Variants in ECT2L observed in about 807,000 individuals in gnomAD.
ECT2L encodes epithelial cell transforming 2 like.
ECT2L carries 126 observed loss-of-function variants against 122.8 expected under a neutral mutation model. That is an observed-to-expected ratio of 1.03 (90% CI 0.89 to 1.19). The LOEUF is 1.19. Ranked by LOEUF, ECT2L falls within the 50% of genes most tolerant of loss-of-function variation. ECT2L has a pLI of 0.00. For missense variants in ECT2L, 1,012 were observed against 1,064.1 expected, an observed-to-expected ratio of 0.95 and a Z score of 0.68; for synonymous variants, 385 against 381.8, an observed-to-expected ratio of 1.01 and a Z score of -0.10.
At chr6:138,838,319 A>G (rs1776915735) in intron 4 of ECT2L, 33 bp from the exon 5 acceptor site, 2 of 1,541,770 alleles carry the variant, frequency 1.3e-6, no homozygotes, top group Middle Eastern at 1.8e-4. Flanking sequence ...TTTAGACATT[A>G]GTGTTCTAAA....
At chr6:138,849,859 A>G (rs1777371864) in intron 9 of ECT2L, among the ~76,000 whole-genome samples, 1 of 151,982 alleles carries the variant, frequency 6.6e-6, no homozygotes, top group African/African-American at 2.4e-5. Flanking sequence ...CCAGCTGTGA[A>G]GCAATTTTTT....
chr6:138,826,353 A>G (rs1335561125), intron 4 of ECT2L, among the ~76,000 whole-genome samples: 1 of 152,156 alleles, frequency 6.6e-6, no homozygotes, highest in Non-Finnish European at 1.5e-5. Flanking sequence ...ACTAGAAATT[A>G]TTTTTTCTTT....
At chr6:138,849,126 C>A in intron 8 of ECT2L, 143 bp from the exon 9 acceptor site, 1 of 774,048 alleles carries the variant, frequency 1.3e-6, no homozygotes, top group Non-Finnish European at 1.9e-6. Flanking sequence ...TAATAGAAAC[C>A]AAGGAGGAAG....
intron 8 of ECT2L, among the ~76,000 whole-genome samples, chr6:138,848,930 C>T (rs993762716): frequency 2.3e-4 from 35 of 152,174 alleles, no homozygotes; most frequent in African/African-American, 7.5e-4. Context: ...GCTGGGATTA[C>T]AAGTGTAAGC....
At chr6:138,819,776 A>G (rs896840059) in intron 4 of ECT2L, among the ~76,000 whole-genome samples, 1 of 152,012 alleles carries the variant, frequency 6.6e-6, no homozygotes, top group Non-Finnish European at 1.5e-5. Context: ...AATCCCAGCT[A>G]TTCGGGAGGC....
rs930846044 is a variant in ECT2L at position 138,903,823 on chromosome 6, T to C, written c.*1196T>C. On this transcript the variant is annotated 3_prime_UTR_variant, in exon 22 of 22. Transcript: ENST00000541398. Reference sequence around the variant, plus strand: ...TTACCTAGATATTGTCAGGTAAAAATTGTATTAATCTTGGAAGCTTGAGGT... The same window carrying C: ...TTACCTAGATATTGTCAGGTAAAAACTGTATTAATCTTGGAAGCTTGAGGT... 4 of 152,174 alleles carry C rather than the reference T, an allele frequency of 2.6e-5. No individual in the cohort carries two copies. The highest frequency in any genetic ancestry group is 1.3e-4 in the Admixed American group (2 of 15,280). 9.4% of individuals were successfully genotyped at this position (152,174 alleles called of 1,614,324 possible).
chr6:138,847,844 GTA>G (rs1777291708), intron 8 of ECT2L, among the ~76,000 whole-genome samples: 1 of 152,120 alleles, frequency 6.6e-6, no homozygotes, highest in African/African-American at 2.4e-5. Flanking sequence ...GTGAGCGTGT[GTA>G]TTAGTCTGTT....
intron 14 of ECT2L, among the ~76,000 whole-genome samples, chr6:138,877,762 T>C (rs938861656): frequency 1.3e-5 from 2 of 152,042 alleles, no homozygotes; most frequent in East Asian, 1.9e-4. Flanking sequence ...AGAAAAACCC[T>C]GTCTCTACAA....
intron 10 of ECT2L, among the ~76,000 whole-genome samples, chr6:138,856,130 A>G (rs1444705194): frequency 7.0e-6 from 1 of 142,828 alleles, no homozygotes; most frequent in Admixed American, 7.0e-5. Flanking sequence ...GTGGCTGTAA[A>G]TCACTCCTAA....
chr6:138,869,477 C>CGAAG lies in ECT2L; in HGVS notation c.1578+1272_1578+1275dup, dbSNP rs542752776. Among the ~76,000 whole-genome samples the CGAAG allele has an allele frequency of 6.6e-4, 100 of 152,300 alleles. 1 individual carries two copies. Among genetic ancestry groups the CGAAG allele is most frequent in the Non-Finnish European group, 1.2e-3 (85 of 68,022 alleles). On this transcript the variant is annotated intron_variant, in intron 13 of 21. Coordinates refer to ENST00000541398, the MANE Select transcript of ECT2L (RefSeq NM_001077706.3). ...GCTGTCCTGCACTGGGTGGGGGCTG[C>CGAAG]GAAGCTGCATTAGCTGTAGTTTGTC...
At chr6:138,891,435 C>A (rs1258307565) in intron 20 of ECT2L, among the ~76,000 whole-genome samples, 1 of 152,112 alleles carries the variant, frequency 6.6e-6, no homozygotes, top group African/African-American at 2.4e-5. Context: ...ACCATCTATT[C>A]TCCCTGAAGC....
chr6:138,890,558 G>A (rs9389631), intron 20 of ECT2L, among the ~76,000 whole-genome samples: 7 of 122,624 alleles, frequency 5.7e-5, no homozygotes, highest in Non-Finnish European at 7.9e-5. Context: ...ATGATGGAAA[G>A]AAACTAGCTA....
In ECT2L at chr6:138,889,050, T is replaced by A; in HGVS notation, c.2414+19T>A. On this transcript the variant is annotated intron_variant, in intron 20 of 21. Transcript: ENST00000541398. ...CTTTAAGGTAAACAATAGTTAACTA[T>A]CCTAAGGCTGTGGACACCTTCCAAG... The A allele has an allele frequency of 1.4e-6, 2 of 1,432,194 alleles. No homozygotes were observed. The highest frequency in any genetic ancestry group is 1.9e-6 in the Non-Finnish European group (2 of 1,057,746). 88.7% of individuals were successfully genotyped at this position (1,432,194 alleles called of 1,614,324 possible).
At chr6:138,886,789 A>C in intron 18 of ECT2L, 68 bp from the exon 19 acceptor site, 2 of 1,094,354 alleles carry the variant, frequency 1.8e-6, no homozygotes, top group Non-Finnish European at 1.4e-6. Context: ...AAAATATTTT[A>C]ATCTATTTCT....
intron 10 of ECT2L, among the ~76,000 whole-genome samples, chr6:138,857,121 C>A (rs747492765): frequency 1.3e-5 from 2 of 152,214 alleles, no homozygotes; most frequent in Non-Finnish European, 2.9e-5. Context: ...TGCCTTTCAT[C>A]TTCTCCAGAC....
At chr6:138,852,058 C>G (rs1391004563) in intron 9 of ECT2L, among the ~76,000 whole-genome samples, 3 of 152,094 alleles carry the variant, frequency 2.0e-5, no homozygotes, top group African/African-American at 4.8e-5. Context: ...GTAGGCGGCT[C>G]TCTTGAGCCC....
intron 16 of ECT2L, among the ~76,000 whole-genome samples, chr6:138,883,844 G>A (rs1778721026): frequency 6.6e-6 from 1 of 152,152 alleles, no homozygotes; most frequent in Admixed American, 6.5e-5. Flanking sequence ...TAAGTACTTA[G>A]CTTAAATGTT....
chr6:138,880,598 T>C (rs1445957230), intron 14 of ECT2L, among the ~76,000 whole-genome samples: 1 of 152,210 alleles, frequency 6.6e-6, no homozygotes, highest in South Asian at 2.1e-4. Context: ...CTCACTAGAC[T>C]GTAACCTCCA....
In ECT2L at chr6:138,854,091, A is replaced by T. The variant is rs139396585; in HGVS notation, c.1135A>T (p.Ser379Cys). Reference protein sequence around the residue: ...EVRDFWEKLGSYVATEEEGGH... With the variant: ...EVRDFWEKLGCYVATEEEGGH... ...GAGAGATTTCTGGGAGAAATTAGGA[A>T]GCTATGTGGCCACTGAAGAAGAAGG... The change falls in exon 10 of 22, where the codon AGC (serine) becomes TGC (cysteine). Residue 379 changes from serine to cysteine, a missense_variant. By Grantham distance (112) the Ser-to-Cys change is moderately radical (BLOSUM62 -1). Transcript: ENST00000541398. 680 of 1,614,160 alleles carry T rather than the reference A, an allele frequency of 4.2e-4. 2 individuals carry two copies. The African/African-American group carries it at 7.7e-3, about 18-fold the overall frequency.
Sources: allele counts gnomAD v4.1 joint callset (sites outside exome capture counted in the v4.1 genomes callset), GRCh38; gene constraint gnomAD v4.1.1; transcripts MANE v1.5; gene names NCBI Gene and HGNC (gene_info 2026-07-23, HGNC 2026-07-21).